ANKRD30BL: variants seen among roughly 807,000 people sequenced by gnomAD.
ANKRD30BL encodes the protein ankyrin repeat domain 30B like.
Under a neutral mutation model 18.4 loss-of-function variants are expected in ANKRD30BL, and 20 were observed. That is an observed-to-expected ratio of 1.09 (90% CI 0.77 to 1.58). The LOEUF (loss-of-function observed/expected upper bound fraction) is 1.58, where lower values mean the gene tolerates loss of function less well. Ranked by LOEUF, ANKRD30BL falls within the 40% of genes most tolerant of loss-of-function variation. The pLI is 0.00. For missense variants in ANKRD30BL, 224 were observed against 268.6 expected (o/e 0.83, Z 1.16); for synonymous variants, 72 against 100.9 (o/e 0.71, Z 1.72).
At chr2:132,235,743 C>T (rs1329306088) in intron 1 of ANKRD30BL, among the ~76,000 whole-genome samples, 2 of 152,030 alleles carry the variant, frequency 1.3e-5, no homozygotes, top group Admixed American at 1.3e-4. Context: ...GAATCAATAT[C>T]ATGAAAATGG....
At chr2:132,170,037 T>A (rs2104940391) in intron 1 of ANKRD30BL, among the ~76,000 whole-genome samples, 1 of 152,330 alleles carries the variant, frequency 6.6e-6, no homozygotes, top group African/African-American at 2.4e-5. Flanking sequence ...GAAGGAACTG[T>A]GTATTAATTA....
At chr2:132,257,517 T>G in intron 1 of ANKRD30BL, 1 of 255,666 alleles carries the variant, frequency 3.9e-6, no homozygotes, top group East Asian at 1.7e-4. Context: ...ACCCTTGCTT[T>G]CCCCCACTCA....
chr2:132,232,316 C>T (rs200061338), intron 1 of ANKRD30BL, among the ~76,000 whole-genome samples: 15 of 152,152 alleles, frequency 9.9e-5, no homozygotes, highest in East Asian at 5.8e-4. Context: ...TCACCAGCAA[C>T]GGAACAAAGC....
chr2:132,220,931 G>A (rs1458337151), intron 1 of ANKRD30BL, among the ~76,000 whole-genome samples: 8 of 150,756 alleles, frequency 5.3e-5, no homozygotes, highest in East Asian at 2.0e-4. Flanking sequence ...TCCTCTTCCC[G>A]GCCGCCATCC....
chr2:132,224,623 A>G (rs1038944064), intron 1 of ANKRD30BL, among the ~76,000 whole-genome samples: 1 of 152,084 alleles, frequency 6.6e-6, no homozygotes, highest in Non-Finnish European at 1.5e-5. Context: ...TTTGTGGCCT[A>G]TGGTGGAAAA....
chr2:132,216,289 C>G (rs1187904232), intron 1 of ANKRD30BL, among the ~76,000 whole-genome samples: 1 of 151,908 alleles, frequency 6.6e-6, no homozygotes, highest in Admixed American at 6.6e-5. Context: ...TTGAAACTCT[C>G]TTTTTGTAGA....
intron 1 of ANKRD30BL, among the ~76,000 whole-genome samples, chr2:132,191,737 A>ATTTTTT (rs777830399): frequency 6.3e-5 from 7 of 111,894 alleles, no homozygotes; most frequent in Admixed American, 8.9e-5. Flanking sequence ...ATGGAGTTTG[A>ATTTTTT]TTTTTTTTTT....
At chr2:132,150,609 CTT>C (rs1687732568) in intron 5 of ANKRD30BL, among the ~76,000 whole-genome samples, 1 of 151,640 alleles carries the variant, frequency 6.6e-6, no homozygotes, top group East Asian at 1.9e-4. Context: ...AATAGATAAA[CTT>C]AAAAATTGTT....
chr2:132,238,377 C>G (rs1395021634), intron 1 of ANKRD30BL, among the ~76,000 whole-genome samples: 1 of 151,112 alleles, frequency 6.6e-6, no homozygotes, highest in Non-Finnish European at 1.5e-5. Context: ...TTGAAATTTT[C>G]TTTTGATCGT....
At position 132,247,135 on chromosome 2, in the gene ANKRD30BL, A is replaced by G. The variant is rs200542830; in HGVS notation, n.441+10394T>C. 2.1e-4 allele frequency among the ~76,000 whole-genome samples: 32 copies of G among 150,720 alleles called. 1 individual carries two copies. The highest frequency in any genetic ancestry group is 1.8e-3 in the Admixed American group (27 of 15,070). ...TTGGAGCTCTTTGAGGCCTATGGTG[A>G]AAAAGGAAATATTTTCACATAAAAA... On this transcript the variant is annotated intron_variant and non_coding_transcript_variant, in intron 1 of 4. Coordinates refer to the ANKRD30BL transcript ENST00000470729.
At chr2:132,194,086 C>T (rs1558926908) in intron 1 of ANKRD30BL, among the ~76,000 whole-genome samples, 1 of 152,124 alleles carries the variant, frequency 6.6e-6, no homozygotes, top group Non-Finnish European at 1.5e-5. Context: ...CACACACACA[C>T]ACACACTCCC....
rs568623722 is a variant in ANKRD30BL at position 132,202,892 on chromosome 2, A to G, written n.442-45746T>C. On this transcript the variant is annotated intron_variant and non_coding_transcript_variant, in intron 1 of 4. Transcript: ENST00000470729. ...TGATGATGACTTGAATTGTATCTGA[A>G]TTTCTAACAGGGCATAGAGAAATTA... Among the ~76,000 whole-genome samples, 7 of 152,278 alleles carry G rather than the reference A, an allele frequency of 4.6e-5. 1 individual carries two copies. Among genetic ancestry groups the G allele is most frequent in the African/African-American group, 1.7e-4 (7 of 41,570 alleles).
chr2:132,184,283 A>G (rs4599168), intron 1 of ANKRD30BL, among the ~76,000 whole-genome samples: 3 of 152,124 alleles, frequency 2.0e-5, no homozygotes, highest in Non-Finnish European at 2.9e-5. Flanking sequence ...GCAAAATTCT[A>G]TTATTGACCT....
chr2:132,234,820 TC>T (rs1242811194), intron 1 of ANKRD30BL, among the ~76,000 whole-genome samples: 4 of 152,138 alleles, frequency 2.6e-5, no homozygotes, highest in African/African-American at 9.7e-5. Context: ...GAGGGAATCC[TC>T]CCTAACTCAT....
At chr2:132,235,024 G>A (rs1201710347) in intron 1 of ANKRD30BL, among the ~76,000 whole-genome samples, 1 of 152,140 alleles carries the variant, frequency 6.6e-6, no homozygotes, top group Admixed American at 6.6e-5. Context: ...ATGCAAGGCT[G>A]GTTCAATATA....
chr2:132,215,881 G>A (rs1354633513), intron 1 of ANKRD30BL, among the ~76,000 whole-genome samples: 1 of 152,000 alleles, frequency 6.6e-6, no homozygotes, highest in African/African-American at 2.4e-5. Context: ...ATAATAACTA[G>A]ACAGAAGCAT....
intron 1 of ANKRD30BL, among the ~76,000 whole-genome samples, chr2:132,172,020 A>C (rs1396629730): frequency 7.2e-5 from 11 of 152,242 alleles, no homozygotes; most frequent in Non-Finnish European, 1.3e-4. Flanking sequence ...CGTATGTTGT[A>C]GTCATTGAAA....
rs540139952 is a variant in ANKRD30BL, at chr2:132,184,333, G to A, written n.442-27187C>T. 9.5e-3 allele frequency among the ~76,000 whole-genome samples: 1,452 copies of A among 152,252 alleles called. 18 individuals are homozygous for A. The highest frequency in any genetic ancestry group is 0.032 in the African/African-American group (1,318 of 41,538). ...TTATTTGTCTGCATGTCTGGTTTGT[G>A]AGCAGAGATTATTTTGAGTCCTCAA... On this transcript the variant is annotated intron_variant and non_coding_transcript_variant, in intron 1 of 4. Transcript: ENST00000470729.
At chr2:132,255,088 T>A (rs1680791232) in intron 1 of ANKRD30BL, among the ~76,000 whole-genome samples, 1 of 152,108 alleles carries the variant, frequency 6.6e-6, no homozygotes, top group Non-Finnish European at 1.5e-5. Context: ...GCCCAGCGGG[T>A]CATGGGAATA....
Sources: allele counts gnomAD v4.1 joint callset (sites outside exome capture counted in the v4.1 genomes callset), GRCh38; gene constraint gnomAD v4.1.1; transcripts MANE v1.5; gene names NCBI Gene and HGNC (gene_info 2026-07-23, HGNC 2026-07-21).